ADD1: variants seen among roughly 807,000 people sequenced by gnomAD.
ADD1 encodes adducin 1.
In ADD1, 24 loss-of-function variants were observed where a neutral mutation model predicts 80.5. That is an observed-to-expected ratio of 0.30 (90% CI 0.22 to 0.42). The LOEUF (loss-of-function observed/expected upper bound fraction) is 0.42, where lower values mean the gene tolerates loss of function less well. Ranked by LOEUF, ADD1 falls within the 10% of genes least tolerant of loss-of-function variation. The pLI, the probability that ADD1 is intolerant of heterozygous loss-of-function variation, is 1.00. For synonymous variants in ADD1, 373 were observed against 393.8 expected, an observed-to-expected ratio of 0.95 and a Z score of 0.63; for missense variants, 948 against 1,019.0, an observed-to-expected ratio of 0.93 and a Z score of 0.95.
intron 10 of ADD1, among the ~76,000 whole-genome samples, chr4:2,906,488 C>T (rs1469697589): frequency 1.3e-5 from 2 of 152,070 alleles, no homozygotes; most frequent in South Asian, 2.1e-4. Flanking sequence ...TAGGCAGCAG[C>T]GCGAGCTTTA....
chr4:2,914,668 G>T (rs1560241384), intron 13 of ADD1: 2 of 490,396 alleles, frequency 4.1e-6, no homozygotes, highest in Non-Finnish European at 7.1e-6. Flanking sequence ...TTCTTTTGTG[G>T]TTAATATCTG....
intron 1 of ADD1, among the ~76,000 whole-genome samples, chr4:2,870,135 A>G (rs1730192971): frequency 6.6e-6 from 1 of 152,244 alleles, no homozygotes; most frequent in East Asian, 1.9e-4. Context: ...TGTCTGTGCC[A>G]GAAGGGAGAT....
In ADD1 at chr4:2,907,838, G is replaced by A. The variant is rs893381603; in HGVS notation, c.1602G>A (p.Arg534=). The part of the protein sequence containing the change: ...NTNPKEVQEM[R]NKIREQNLQD... Reference sequence around the variant, plus strand: ...ACCCAAAAGAGGTCCAGGAGATGAGGAACAAGGTGCGTCCTGCGTCGGCAC... The same window carrying A: ...ACCCAAAAGAGGTCCAGGAGATGAGAAACAAGGTGCGTCCTGCGTCGGCAC... Residue 534 remains arginine, a synonymous_variant, in exon 11 of 16, where the codon AGG becomes AGA. Transcript: ENST00000683351. 5 of 1,613,734 alleles carry A rather than the reference G, an allele frequency of 3.1e-6. No individual in the cohort carries two copies. In the South Asian group the frequency reaches 4.4e-5, roughly 14 times the overall value.
chr4:2,882,303 A>G (rs1732489122), intron 3 of ADD1, among the ~76,000 whole-genome samples: 1 of 152,202 alleles, frequency 6.6e-6, no homozygotes, highest in Admixed American at 6.5e-5. Context: ...ATGACTTTTT[A>G]TGTGTCTTCC....
chr4:2,898,828 G>A (rs1048221077), intron 8 of ADD1: 6 of 431,814 alleles, frequency 1.4e-5, no homozygotes, highest in East Asian at 4.7e-5. Context: ...GTGTGTCATC[G>A]CATATGTGAT....
chr4:2,899,521 C>T (rs1365261565), intron 9 of ADD1, 86 bp downstream of exon 9: 1 of 1,419,012 alleles, frequency 7.0e-7, no homozygotes, highest in Non-Finnish European at 9.9e-7. Context: ...CGATTGCTGT[C>T]TTTTATGCAG....
At chr4:2,922,813 C>G (rs1206701453) in intron 14 of ADD1, among the ~76,000 whole-genome samples, 3 of 152,348 alleles carry the variant, frequency 2.0e-5, no homozygotes, top group East Asian at 3.9e-4. Context: ...GGGCTGCTGC[C>G]TTTCTTTCAG....
intron 1 of ADD1, among the ~76,000 whole-genome samples, chr4:2,866,495 T>A (rs1218866649): frequency 2.9e-5 from 1 of 34,282 alleles, no homozygotes; most frequent in African/African-American, 1.6e-4. Flanking sequence ...TTTTAAATCG[T>A]TTTTTTTTTT....
At chr4:2,848,995 A>G (rs913579328) in intron 1 of ADD1, among the ~76,000 whole-genome samples, 22 of 152,206 alleles carry the variant, frequency 1.4e-4, no homozygotes, top group African/African-American at 4.8e-4. Context: ...AAGTATATCT[A>G]TAGATACATT....
intron 2 of ADD1, among the ~76,000 whole-genome samples, chr4:2,877,551 A>C (rs1269465746): frequency 6.6e-6 from 1 of 152,004 alleles, no homozygotes; most frequent in Non-Finnish European, 1.5e-5. Flanking sequence ...ATAAAGAACA[A>C]GCAGGAGGGC....
Position 2,889,991 on chromosome 4 carries a change from G to T in ADD1, c.511-4022G>T, listed in dbSNP as rs531133978. Among the ~76,000 whole-genome samples, 16 of 152,052 alleles carry T rather than the reference G, an allele frequency of 1.1e-4. 1 individual carries two copies. The South Asian group carries it at 3.3e-3, about 32-fold the overall frequency. Reference sequence around the variant, plus strand: ...AGGTGGGCACATCCCTTGAGGCCAGGAGTTTGAGACCAGTGTGGCCAACAT... The same window carrying T: ...AGGTGGGCACATCCCTTGAGGCCAGTAGTTTGAGACCAGTGTGGCCAACAT... On this transcript the variant is annotated intron_variant, in intron 4 of 15. Coordinates refer to ENST00000683351, the MANE Select transcript of ADD1 (RefSeq NM_001354761.2).
At position 2,898,934 on chromosome 4, in the gene ADD1, G is replaced by T. The variant is rs557752311; in HGVS notation, c.985-325G>T. 4.0e-4 allele frequency: 152 copies of T among 376,284 alleles called. 1 individual carries two copies. The Middle Eastern group carries it at 4.7e-3, about 12-fold the overall frequency. 23.3% of individuals were successfully genotyped at this position (376,284 alleles called of 1,614,324 possible). On this transcript the variant is annotated intron_variant, in intron 8 of 15. Transcript: ENST00000683351. The stretch of plus-strand genomic sequence containing the variant: ...AGCTTACAGCTGTGAGTTCCCCTCC[G>T]CTCCGTCAGCCGTTAGTTCACGTTC...
At chr4:2,907,609 A>G in intron 10 of ADD1, 134 bp from the exon 11 acceptor site, 1 of 760,804 alleles carries the variant, frequency 1.3e-6, no homozygotes, top group South Asian at 1.6e-5. Context: ...GACCCAGATT[A>G]GATGTGGTCA....
At chr4:2,883,816 C>T (rs1196837578) in intron 3 of ADD1, among the ~76,000 whole-genome samples, 2 of 152,052 alleles carry the variant, frequency 1.3e-5, no homozygotes, top group East Asian at 1.9e-4. Context: ...GGAGTATAGG[C>T]GCCCACCACC....
rs370222921 is a variant in ADD1, at chr4:2,890,728, T to C, written c.511-3285T>C. 8.8e-4 allele frequency among the ~76,000 whole-genome samples: 134 copies of C among 152,278 alleles called. 1 individual carries two copies. The highest frequency in any genetic ancestry group is 3.1e-3 in the African/African-American group (128 of 41,554). ...TGGCCACTAGAATTATTGTATTTCT[T>C]AAGCTAATTGATAGATACATGGATG... On this transcript the variant is annotated intron_variant, in intron 4 of 15. Coordinates refer to ENST00000683351, the MANE Select transcript of ADD1 (RefSeq NM_001354761.2).
intron 1 of ADD1, among the ~76,000 whole-genome samples, chr4:2,871,362 G>C (rs998205728): frequency 4.6e-5 from 7 of 152,296 alleles, no homozygotes; most frequent in Non-Finnish European, 8.8e-5. Flanking sequence ...GGGGAAATAT[G>C]ATTGTTAAAC....
At chr4:2,852,185 T>C (rs1416701433) in intron 1 of ADD1, among the ~76,000 whole-genome samples, 3 of 45,888 alleles carry the variant, frequency 6.5e-5, no homozygotes, top group African/African-American at 1.6e-4. Flanking sequence ...TTTCTTTCTT[T>C]CTTTCTTTCT....
In ADD1 at chr4:2,928,494, A is replaced by C; in HGVS notation, c.2371A>C (p.Lys791Gln). 1 of 1,613,564 alleles carries C rather than the reference A, an allele frequency of 6.2e-7. No homozygotes were observed. Residue 791 changes from lysine to glutamine, a missense_variant, in exon 16 of 16, where the codon AAG becomes CAG. Lys to Gln is a moderately conservative substitution (Grantham distance 53, BLOSUM62 1). Transcript: ENST00000683351. ...GAAGTTCCGTACCCCGTCCTTTCTG[A>C]AGAAGAGCAAGAAGAAGAGTGACTC... Reference protein sequence around the residue: ...KKKFRTPSFLKKSKKKSDS With the variant: ...KKKFRTPSFLQKSKKKSDS
chr4:2,884,596 G>A lies in ADD1; in HGVS notation c.440G>A (p.Cys147Tyr). 1.2e-6 allele frequency: 2 copies of A among 1,613,628 alleles called. No homozygotes were observed. The highest frequency in any genetic ancestry group is 1.7e-5 in the Admixed American group (1 of 59,978). Residue 147 changes from cysteine to tyrosine, a missense_variant, in exon 4 of 16, where the codon TGT becomes TAT. By Grantham distance (194) the Cys-to-Tyr change is radical. Transcript: ENST00000683351. ...GACAAAGGAGAGAAGTTATTACGGT[G>A]TAAATTGGCAGCGTTTTATAGACTA... ...AYDKGEKLLR[C>Y]KLAAFYRLAD...
Sources: allele counts gnomAD v4.1 joint callset (sites outside exome capture counted in the v4.1 genomes callset), GRCh38; gene constraint gnomAD v4.1.1; transcripts MANE v1.5; gene names NCBI Gene and HGNC (gene_info 2026-07-23, HGNC 2026-07-21).